Variants in MAGI2 observed in about 807,000 individuals in gnomAD.
The protein encoded by MAGI2 is membrane-associated guanylate kinase, WW and PDZ domain-containing protein 2.
A neutral mutation model predicts 133.3 loss-of-function variants in MAGI2; 35 were observed. That is an observed-to-expected ratio of 0.26 (90% CI 0.20 to 0.35). The LOEUF is 0.35. MAGI2 is among the 10% of genes least tolerant of loss of function. The pLI, the probability that MAGI2 is intolerant of heterozygous loss-of-function variation, is 1.00. For synonymous variants in MAGI2, 729 were observed against 710.6 expected, an observed-to-expected ratio of 1.03 and a Z score of -0.41; for missense variants, 1,636 against 1,863.4, an observed-to-expected ratio of 0.88 and a Z score of 2.25.
At position 78,412,531 on chromosome 7, in the gene MAGI2, T is replaced by G. The variant is rs184750145; in HGVS notation, c.1046-43318A>C. ...AGGATAAAGTAACAAGTAATGAAAT[T>G]TAAAATAAAGGAAACAACATGACCA... On this transcript the variant is annotated intron_variant, in intron 6 of 21. Coordinates refer to ENST00000354212, the MANE Select transcript of MAGI2 (RefSeq NM_012301.4). 2.6e-5 allele frequency among the ~76,000 whole-genome samples: 4 copies of G among 152,132 alleles called. No homozygotes were observed. The South Asian group carries it at 6.2e-4, about 24-fold the overall frequency.
rs186213064 is a variant in MAGI2 at position 79,334,947 on chromosome 7, C to T, written c.301+118073G>A. On this transcript the variant is annotated intron_variant, in intron 1 of 21. Coordinates refer to ENST00000354212, the MANE Select transcript of MAGI2 (RefSeq NM_012301.4). ...TACTTGAAGAACATTCAAATGTGGT[C>T]CGAAAGGAGTGGTTTTTAAATACTA... Among the ~76,000 whole-genome samples, 8 of 152,104 alleles carry T rather than the reference C, an allele frequency of 5.3e-5. No homozygotes were observed. In the East Asian group the frequency reaches 1.5e-3, roughly 29 times the overall value.
chr7:79,084,129 GT>G (rs1472293402), intron 1 of MAGI2, among the ~76,000 whole-genome samples: 1 of 151,254 alleles, frequency 6.6e-6, no homozygotes. Flanking sequence ...GATCTCTATT[GT>G]TTTTCTATTA....
At chr7:78,536,979 A>G (rs1798007340) in intron 3 of MAGI2, among the ~76,000 whole-genome samples, 1 of 151,986 alleles carries the variant, frequency 6.6e-6, no homozygotes, top group South Asian at 2.1e-4. Context: ...CTTCCCCCTG[A>G]GTCCTCAGTC....
chr7:79,109,134 A>G (rs1407317036), intron 1 of MAGI2, among the ~76,000 whole-genome samples: 1 of 152,206 alleles, frequency 6.6e-6, no homozygotes, highest in Non-Finnish European at 1.5e-5. Context: ...AATTGGTACC[A>G]GGAGTAAGAT....
chr7:78,707,237 G>A lies in MAGI2; in HGVS notation c.419-79998C>T, dbSNP rs187690740. 1.8e-4 allele frequency among the ~76,000 whole-genome samples: 27 copies of A among 151,960 alleles called. No individual in the cohort carries two copies. The East Asian group carries it at 3.7e-3, about 21-fold the overall frequency. On this transcript the variant is annotated intron_variant, in intron 2 of 21. Transcript: ENST00000354212. ...AACCACCCATTAGACCAAGGGAAGG[G>A]AAAAAAATGAAGAAAGGATGATGGC...
chr7:79,309,960 G>A (rs1022626897), intron 1 of MAGI2, among the ~76,000 whole-genome samples: 1 of 95,636 alleles, frequency 1.0e-5, no homozygotes, highest in South Asian at 3.6e-4. Flanking sequence ...GGGAAACCTT[G>A]TTTTTCCTAA....
chr7:78,233,298 AAAG>A (rs1202899201), intron 10 of MAGI2, among the ~76,000 whole-genome samples: 1 of 152,138 alleles, frequency 6.6e-6, no homozygotes, highest in Non-Finnish European at 1.5e-5. Context: ...AGGAGTCTGA[AAAG>A]AAGCAGAGAA....
intron 2 of MAGI2, among the ~76,000 whole-genome samples, chr7:78,851,175 C>A (rs190789738): frequency 3.3e-5 from 5 of 151,754 alleles, no homozygotes; most frequent in South Asian, 2.1e-4. Flanking sequence ...TAATAAATAC[C>A]GTGATTACAT....
rs571403922 is a variant in MAGI2 at position 78,787,160 on chromosome 7, C to A, written c.419-159921G>T. On this transcript the variant is annotated intron_variant, in intron 2 of 21. Transcript: ENST00000354212. ...AGGGGGTTTCACCATGTTGGCCAGG[C>A]TGGTCTCGATCTCCTGACCTCATGA... Among the ~76,000 whole-genome samples the A allele has an allele frequency of 2.9e-3, 443 of 152,184 alleles. 13 individuals carry two copies. Among genetic ancestry groups the A allele is most frequent in the Non-Finnish European group, 3.5e-3 (241 of 68,012 alleles).
chr7:79,364,327 T>A (rs540889969), intron 1 of MAGI2, among the ~76,000 whole-genome samples: 1 of 152,052 alleles, frequency 6.6e-6, no homozygotes, highest in East Asian at 1.9e-4. Context: ...ATTTTTAAAA[T>A]TGGTAAAAGA....
intron 10 of MAGI2, among the ~76,000 whole-genome samples, chr7:78,240,886 CAATA>C: frequency 6.9e-6 from 1 of 145,616 alleles, no homozygotes; most frequent in Non-Finnish European, 1.5e-5. Flanking sequence ...ATCATGTACA[CAATA>C]AACACATATA....
In MAGI2 at chr7:78,741,091, T is replaced by G. The variant is rs371403857; in HGVS notation, c.419-113852A>C. On this transcript the variant is annotated intron_variant, in intron 2 of 21. Transcript: ENST00000354212. Reference sequence around the variant, plus strand: ...TTTTTTCCATCCGGGAGTTTTTAACTTGATTGGGGAGATTCTATACACATA... The same window carrying G: ...TTTTTTCCATCCGGGAGTTTTTAACGTGATTGGGGAGATTCTATACACATA... 7.6e-4 allele frequency among the ~76,000 whole-genome samples: 115 copies of G among 152,222 alleles called. No homozygotes were observed. The East Asian group carries it at 0.01, about 13-fold the overall frequency.
intron 10 of MAGI2, among the ~76,000 whole-genome samples, chr7:78,235,992 G>T (rs963401769): frequency 2.5e-4 from 37 of 149,814 alleles, no homozygotes; most frequent in African/African-American, 8.8e-4. Flanking sequence ...CCAGTTAAAA[G>T]AGTTTTTCCT....
intron 9 of MAGI2, among the ~76,000 whole-genome samples, chr7:78,273,954 T>C (rs1163710501): frequency 6.6e-6 from 1 of 152,148 alleles, no homozygotes; most frequent in Non-Finnish European, 1.5e-5. Context: ...TCAAACTCAT[T>C]CTCCACCCAG....
At chr7:78,548,980 T>C (rs1408408979) in intron 3 of MAGI2, among the ~76,000 whole-genome samples, 1 of 152,232 alleles carries the variant, frequency 6.6e-6, no homozygotes, top group African/African-American at 2.4e-5. Context: ...TATTCATCCA[T>C]GGGTTTGTTA....
chr7:78,175,760 G>A (rs1451858974), intron 14 of MAGI2, among the ~76,000 whole-genome samples: 6 of 152,096 alleles, frequency 3.9e-5, no homozygotes, highest in Non-Finnish European at 7.3e-5. Flanking sequence ...CCTTAACCTC[G>A]AGTTTGGCTC....
chr7:79,224,326 A>ATTGAGCAATCTGGTCTTGGCCCG (rs1830676484), intron 1 of MAGI2, among the ~76,000 whole-genome samples: 1 of 151,988 alleles, frequency 6.6e-6, no homozygotes, highest in Admixed American at 6.6e-5. Context: ...TGAAATAAGT[A>ATTGAGCAATCTGGTCTTGGCCCG]TTGAGCAATC....
At chr7:78,844,839 A>C (rs1792455944) in intron 2 of MAGI2, among the ~76,000 whole-genome samples, 1 of 151,814 alleles carries the variant, frequency 6.6e-6, no homozygotes, top group African/African-American at 2.4e-5. Flanking sequence ...ATAAACAAAA[A>C]AAATCCATCT....
intron 7 of MAGI2, chr7:78,350,043 G>T (rs1019089769): frequency 6.6e-6 from 1 of 152,192 alleles, no homozygotes; most frequent in African/African-American, 2.4e-5. Context: ...TTTGCTAAGA[G>T]AATCTTGAGC....
Sources: gnomAD v4.1 joint callset for allele counts (sites outside exome capture counted in the v4.1 genomes callset) on GRCh38, gnomAD v4.1.1 for gene constraint, MANE v1.5 for transcripts, NCBI Gene and HGNC (gene_info 2026-07-23, HGNC 2026-07-21) for gene names.